ZBTB38: variants seen among roughly 807,000 people sequenced by gnomAD.
ZBTB38 encodes the protein zinc finger and BTB domain-containing protein 38.
ZBTB38 carries 20 observed loss-of-function variants against 76.8 expected under a neutral mutation model. The observed-to-expected ratio is 0.26, with a 90% CI of 0.18 to 0.38. ZBTB38 has a LOEUF of 0.38. Among genes scored for constraint, ZBTB38 ranks in the 10% least tolerant of loss-of-function variants. ZBTB38 has a pLI of 1.00. For synonymous variants in ZBTB38, 504 were observed against 544.2 expected, an observed-to-expected ratio of 0.93 and a Z score of 1.03; for missense variants, 1,082 against 1,482.3, an observed-to-expected ratio of 0.73 and a Z score of 4.43.
At chr3:141,426,192 A>G in intron 5 of ZBTB38, 2 of 1,289,392 alleles carry the variant, frequency 1.6e-6, no homozygotes, top group Non-Finnish European at 2.0e-6. Context: ...TAGTGTAGTC[A>G]GAAGTCACAG....
chr3:141,383,075 C>T (rs1009217909), intron 3 of ZBTB38, among the ~76,000 whole-genome samples: 1 of 152,130 alleles, frequency 6.6e-6, no homozygotes, highest in Non-Finnish European at 1.5e-5. Flanking sequence ...AAACATTGGA[C>T]GTGTAGCTAA....
intron 5 of ZBTB38, among the ~76,000 whole-genome samples, chr3:141,435,148 C>T (rs1413875306): frequency 6.6e-6 from 1 of 151,776 alleles, no homozygotes; most frequent in Non-Finnish European, 1.5e-5. Flanking sequence ...AGAGCAAGAC[C>T]CTGTCTCAAA....
At chr3:141,370,442 G>A (rs1397534506) in intron 2 of ZBTB38, among the ~76,000 whole-genome samples, 2 of 152,266 alleles carry the variant, frequency 1.3e-5, no homozygotes. Flanking sequence ...TGTAGTCCTT[G>A]GTGGAGCAGC....
At chr3:141,361,845 G>A (rs551507469) in intron 1 of ZBTB38, among the ~76,000 whole-genome samples, 3 of 152,174 alleles carry the variant, frequency 2.0e-5, no homozygotes, top group Non-Finnish European at 4.4e-5. Flanking sequence ...ATCACTAAGA[G>A]GAGTTTACTT....
chr3:141,419,845 G>C (rs1390024157), intron 5 of ZBTB38, among the ~76,000 whole-genome samples: 1 of 152,138 alleles, frequency 6.6e-6, no homozygotes, highest in African/African-American at 2.4e-5. Context: ...AATTAGCAAG[G>C]CGTGGTGGTG....
At chr3:141,343,772 A>T (rs182619295) in intron 1 of ZBTB38, among the ~76,000 whole-genome samples, 12 of 152,282 alleles carry the variant, frequency 7.9e-5, no homozygotes, top group Non-Finnish European at 1.8e-4. Flanking sequence ...ATCCACAAAA[A>T]TCTGCTTCGA....
Position 141,445,413 on chromosome 3 carries a change from C to T in ZBTB38, c.3025C>T (p.Pro1009Ser), listed in dbSNP as rs748892715. Residue 1009 changes from proline to serine, a missense_variant, in exon 6 of 6, where the codon CCA (proline) becomes TCA (serine). Pro to Ser is a moderately conservative substitution (Grantham distance 74). Transcript: ENST00000321464. This position sits in a 1 kb window ranked among gnomAD's most constrained non-coding sequence, Gnocchi z 6.5. ...GRPHRHLTSR[P>S]YACELCAKQF... ...GCCCCACCGACATCTTACTTCTCGGCCATATGCCTGCGAGCTCTGCGCCAA... is the reference window on the plus strand; with the variant it reads ...GCCCCACCGACATCTTACTTCTCGGTCATATGCCTGCGAGCTCTGCGCCAA... The T allele has an allele frequency of 6.2e-7, 1 of 1,614,170 alleles. No individual in the cohort carries two copies. Among genetic ancestry groups the T allele is most frequent in the Non-Finnish European group, 8.5e-7 (1 of 1,180,022 alleles).
intron 1 of ZBTB38, among the ~76,000 whole-genome samples, chr3:141,334,075 GC>G (rs571498603): frequency 2.0e-5 from 3 of 152,140 alleles, no homozygotes; most frequent in Non-Finnish European, 2.9e-5. Flanking sequence ...AGAATGGGAC[GC>G]ATACATCTCT....
Position 141,443,002 on chromosome 3 carries a change from G to C in ZBTB38, c.614G>C (p.Arg205Thr). ...AGAACAGCTAGCCTTTGCCTGGAGA[G>C]GACGGACGTCTGCCACGAGGCAGAG... ...SMRTASLCLERTDVCHEAEPV... is the reference protein window; with the variant it reads ...SMRTASLCLETTDVCHEAEPV... The change falls in exon 6 of 6, where the codon AGG becomes ACG. Residue 205 changes from arginine (R) to threonine (T), a missense_variant. By Grantham distance (71) the Arg-to-Thr change is moderately conservative. This residue lies in a region of ZBTB38 where 324 missense variants were observed against 359.1 expected (regional missense o/e 0.90). Coordinates refer to ENST00000321464, the MANE Select transcript of ZBTB38 (RefSeq NM_001376113.1). This position sits in a 1 kb window ranked among gnomAD's most constrained non-coding sequence, Gnocchi z 5.6. 1 of 1,614,262 alleles carries C rather than the reference G, an allele frequency of 6.2e-7. No individual in the cohort carries two copies. The highest frequency in any genetic ancestry group is 1.1e-5 in the South Asian group (1 of 91,088).
intron 3 of ZBTB38, among the ~76,000 whole-genome samples, chr3:141,382,649 C>G (rs1029346101): frequency 1.3e-5 from 2 of 152,144 alleles, no homozygotes; most frequent in African/African-American, 4.8e-5. Context: ...AAAATATTTA[C>G]TCTGCTTTCT....
At chr3:141,364,599 C>T (rs997586559), upstream of ZBTB38, among the ~76,000 whole-genome samples, 2 of 144,488 alleles carry the variant, frequency 1.4e-5, no homozygotes, top group Admixed American at 1.5e-4. Flanking sequence ...ATCGCTTGAA[C>T]CCGGGAGGTG....
chr3:141,366,574 A>G (rs950771512), upstream of ZBTB38: 1 of 152,204 alleles, frequency 6.6e-6, no homozygotes, highest in Non-Finnish European at 1.5e-5. Context: ...TAGGGATTCA[A>G]ACTACATGGA....
At chr3:141,433,744 C>T (rs1362242488) in intron 5 of ZBTB38, among the ~76,000 whole-genome samples, 3 of 152,146 alleles carry the variant, frequency 2.0e-5, no homozygotes, top group Non-Finnish European at 4.4e-5. Flanking sequence ...TGCCTTCAGC[C>T]GTGGTATGCT....
At chr3:141,355,610 G>T (rs1376102488) in intron 1 of ZBTB38, among the ~76,000 whole-genome samples, 1 of 152,026 alleles carries the variant, frequency 6.6e-6, no homozygotes, top group South Asian at 2.1e-4. Flanking sequence ...GCCTCCACAG[G>T]CTTTCCAGTA....
At chr3:141,364,993 A>G (rs538518678), upstream of ZBTB38, among the ~76,000 whole-genome samples, 3 of 152,196 alleles carry the variant, frequency 2.0e-5, no homozygotes, top group Non-Finnish European at 4.4e-5. Flanking sequence ...GTTTCTCAAA[A>G]TGTTAAACAT....
At chr3:141,328,982 T>C (rs1942760564) in intron 1 of ZBTB38, among the ~76,000 whole-genome samples, 1 of 152,080 alleles carries the variant, frequency 6.6e-6, no homozygotes, top group African/African-American at 2.4e-5. Flanking sequence ...TAGGTGCTCC[T>C]CCCCTACCTG....
chr3:141,449,355 A>C lies in ZBTB38; in HGVS notation c.*3379A>C, dbSNP rs551910009. 1 of 152,246 alleles carries C rather than the reference A, an allele frequency of 6.6e-6. No homozygotes were observed. 9.4% of individuals were successfully genotyped at this position (152,246 alleles called of 1,614,324 possible). A position where few individuals can be genotyped will look rare whatever the true frequency, so the allele number is the denominator to read the frequency against. On this transcript the variant is annotated 3_prime_UTR_variant, in exon 6 of 6. Coordinates refer to ENST00000321464, the MANE Select transcript of ZBTB38 (RefSeq NM_001376113.1). The stretch of plus-strand genomic sequence containing the variant: ...GCTTCCCCTGAATTGGGCTTCCCTT[A>C]TATCTCAGGAGATTGCCCTATAAAA...
At chr3:141,437,057 G>A (rs946173306) in intron 5 of ZBTB38, among the ~76,000 whole-genome samples, 4 of 152,144 alleles carry the variant, frequency 2.6e-5, no homozygotes, top group African/African-American at 7.2e-5. Flanking sequence ...CAGTTTTGAC[G>A]ATACTTGGTG....
chr3:141,412,760 G>A (rs1957081250), intron 5 of ZBTB38, among the ~76,000 whole-genome samples: 1 of 151,538 alleles, frequency 6.6e-6, no homozygotes, highest in Non-Finnish European at 1.5e-5. Context: ...CTGGAACTTA[G>A]CTCCCTTAAT....
Sources: gnomAD v4.1 joint callset for allele counts (sites outside exome capture counted in the v4.1 genomes callset) on GRCh38, gnomAD v4.1.1 for gene constraint, gnomAD v4.1.1 regional missense constraint, Gnocchi (gnomAD v3.1) non-coding constraint, MANE v1.5 for transcripts, NCBI Gene and HGNC (gene_info 2026-07-23, HGNC 2026-07-21) for gene names.